Variants in FOXP1 observed in about 807,000 individuals in gnomAD.
FOXP1 encodes the protein forkhead box protein P1.
In FOXP1, 15 loss-of-function variants were observed where a neutral mutation model predicts 98.2. That is an observed-to-expected ratio of 0.15 (90% CI 0.10 to 0.24). The LOEUF is 0.24. Among genes scored for constraint, FOXP1 ranks in the 10% least tolerant of loss-of-function variants. The probability of loss-of-function intolerance (pLI) is 1.00; values close to 1 mark genes in which losing one functional copy is unlikely to be tolerated. For missense variants in FOXP1, 633 were observed against 848.5 expected (o/e 0.75, Z 3.15); for synonymous variants, 371 against 314.5 (o/e 1.18, Z -1.90).
intron 13 of FOXP1, among the ~76,000 whole-genome samples, chr3:70,990,166 C>G (rs1438554853): frequency 6.6e-6 from 1 of 152,100 alleles, no homozygotes; most frequent in East Asian, 1.9e-4. Context: ...CACAAAAAGG[C>G]AAAAATCTAA....
intron 2 of FOXP1, among the ~76,000 whole-genome samples, chr3:71,510,558 A>G (rs1480286348): frequency 1.3e-5 from 2 of 152,120 alleles, no homozygotes; most frequent in Admixed American, 6.5e-5. Context: ...ATGAAAGCAC[A>G]CAGGTGCAGC....
At chr3:71,304,648 TAA>T (rs1216725215) in intron 4 of FOXP1, 2 of 152,186 alleles carry the variant, frequency 1.3e-5, no homozygotes, top group Non-Finnish European at 2.9e-5. Context: ...TTTTTCCCCT[TAA>T]AAACCAAGTA....
At chr3:71,534,710 G>T (rs2044151103) in intron 2 of FOXP1, among the ~76,000 whole-genome samples, 1 of 152,170 alleles carries the variant, frequency 6.6e-6, no homozygotes, top group Admixed American at 6.5e-5. Flanking sequence ...TTCAACAGTA[G>T]TCCACAGGTG....
chr3:71,509,955 G>C (rs576016668), intron 2 of FOXP1, among the ~76,000 whole-genome samples: 1 of 151,296 alleles, frequency 6.6e-6, no homozygotes, highest in Non-Finnish European at 1.5e-5. Flanking sequence ...AAGGCGAGCA[G>C]ATCACCTGAG....
At chr3:71,100,968 G>A (rs974521420) in intron 7 of FOXP1, among the ~76,000 whole-genome samples, 2 of 152,152 alleles carry the variant, frequency 1.3e-5, no homozygotes, top group Non-Finnish European at 2.9e-5. Flanking sequence ...GGAGGTGAGC[G>A]ATGCATAAAG....
intron 7 of FOXP1, among the ~76,000 whole-genome samples, chr3:71,066,261 G>T (rs536976548): frequency 6.6e-6 from 1 of 152,152 alleles, no homozygotes; most frequent in Non-Finnish European, 1.5e-5. Context: ...AGGGTCAGCG[G>T]GGAGCAGACA....
At chr3:71,103,625 C>T (rs759689583) in intron 7 of FOXP1, among the ~76,000 whole-genome samples, 13 of 152,056 alleles carry the variant, frequency 8.5e-5, no homozygotes, top group Non-Finnish European at 1.8e-4. Flanking sequence ...ATGCTGTGTG[C>T]TAATGAGTTT....
intron 7 of FOXP1, among the ~76,000 whole-genome samples, chr3:71,054,035 A>C (rs933070271): frequency 1.3e-5 from 2 of 152,204 alleles, no homozygotes; most frequent in African/African-American, 4.8e-5. Context: ...AACTTAATAA[A>C]TGCTAACTGG....
chr3:71,035,589 T>C (rs1559777817), intron 11 of FOXP1, among the ~76,000 whole-genome samples: 1 of 152,198 alleles, frequency 6.6e-6, no homozygotes, highest in Non-Finnish European at 1.5e-5. Context: ...TATAGTGTTA[T>C]AGATTGTTTA....
At chr3:71,014,023 G>A (rs868607630) in intron 12 of FOXP1, among the ~76,000 whole-genome samples, 71 of 152,126 alleles carry the variant, frequency 4.7e-4, no homozygotes, top group African/African-American at 1.5e-3. Context: ...AGACTTAAAC[G>A]TTAGACCTAA....
At chr3:71,577,377 A>T (rs1363645879) in intron 2 of FOXP1, among the ~76,000 whole-genome samples, 2 of 152,114 alleles carry the variant, frequency 1.3e-5, no homozygotes, top group African/African-American at 4.8e-5. Context: ...CACAAGCCAA[A>T]TCTGCTTAAT....
chr3:71,546,959 C>T (rs1261829622), intron 2 of FOXP1, among the ~76,000 whole-genome samples: 1 of 152,002 alleles, frequency 6.6e-6, no homozygotes, highest in Admixed American at 6.6e-5. Context: ...GAGACAGAGA[C>T]ACAGAGAGGA....
intron 3 of FOXP1, among the ~76,000 whole-genome samples, chr3:71,490,876 C>G (rs1330215871): frequency 6.6e-6 from 1 of 152,156 alleles, no homozygotes; most frequent in Admixed American, 6.6e-5. Context: ...ACAGAGATGA[C>G]AGGTAACCAA....
intron 7 of FOXP1, among the ~76,000 whole-genome samples, chr3:71,095,034 C>T (rs1270705902): frequency 6.6e-6 from 1 of 152,200 alleles, no homozygotes; most frequent in African/African-American, 2.4e-5. Context: ...GAACTGACAC[C>T]GTGTCATGCA....
intron 5 of FOXP1, among the ~76,000 whole-genome samples, chr3:71,253,867 A>G (rs2068420553): frequency 6.6e-6 from 1 of 152,210 alleles, no homozygotes; most frequent in Non-Finnish European, 1.5e-5. Context: ...TTATACATGT[A>G]AGGATAGCCC....
At chr3:71,023,752 T>C (rs2045754134) in intron 11 of FOXP1, among the ~76,000 whole-genome samples, 1 of 152,206 alleles carries the variant, frequency 6.6e-6, no homozygotes, top group South Asian at 2.1e-4. Flanking sequence ...TGAGGTCCTA[T>C]CTGAAAATAT....
chr3:71,359,414 A>G (rs1486281273), intron 3 of FOXP1, among the ~76,000 whole-genome samples, 170 bp from the exon 4 acceptor site: 1 of 152,220 alleles, frequency 6.6e-6, no homozygotes, highest in Non-Finnish European at 1.5e-5. Flanking sequence ...TAGAATCAGC[A>G]TTTGACCTAG....
chr3:71,474,478 G>C (rs2089643116), intron 3 of FOXP1, among the ~76,000 whole-genome samples: 2 of 152,176 alleles, frequency 1.3e-5, no homozygotes, highest in Non-Finnish European at 2.9e-5. Context: ...TTAGAAGCCA[G>C]GCTGCACAGC....
intron 4 of FOXP1, among the ~76,000 whole-genome samples, chr3:71,312,675 T>TG (rs1287396648): frequency 3.3e-5 from 5 of 152,140 alleles, no homozygotes; most frequent in Non-Finnish European, 5.9e-5. Context: ...GGCAATAAAG[T>TG]GAGACACTGT....
Sources: gnomAD v4.1 joint callset for allele counts (sites outside exome capture counted in the v4.1 genomes callset) on GRCh38, gnomAD v4.1.1 for gene constraint, MANE v1.5 for transcripts, NCBI Gene and HGNC (gene_info 2026-07-23, HGNC 2026-07-21) for gene names.